The following HNRNPUL2 variants were observed in gnomAD, a reference collection of about 807,000 sequenced individuals.
The protein encoded by HNRNPUL2 is heterogeneous nuclear ribonucleoprotein U like 2.
A neutral mutation model predicts 102.2 loss-of-function variants in HNRNPUL2; 27 were observed. The ratio of observed to expected loss-of-function variants is 0.26; its 90% confidence interval spans 0.19 to 0.36. The LOEUF (loss-of-function observed/expected upper bound fraction) is 0.36, where lower values mean the gene tolerates loss of function less well. HNRNPUL2 is among the 10% of genes least tolerant of loss of function. The pLI is 1.00. For missense variants in HNRNPUL2, 936 were observed against 981.1 expected, an observed-to-expected ratio of 0.95 and a Z score of 0.61; for synonymous variants, 458 against 387.2, an observed-to-expected ratio of 1.18 and a Z score of -2.15.
Position 62,727,174 on chromosome 11 carries a change from C to T in HNRNPUL2, c.-18G>A, listed in dbSNP as rs1424527851. ...ACCTCCATCGCCGCCGCCGCCTCCTCCGCCTCCCGCCGCCTCCTCCCCTGC... is the reference window on the plus strand; with the variant it reads ...ACCTCCATCGCCGCCGCCGCCTCCTTCGCCTCCCGCCGCCTCCTCCCCTGC... On this transcript the variant is annotated 5_prime_UTR_variant, in exon 1 of 14. Coordinates refer to ENST00000301785, the MANE Select transcript of HNRNPUL2 (RefSeq NM_001079559.3). 2 of 1,412,054 alleles carry T rather than the reference C, an allele frequency of 1.4e-6. No homozygotes were observed. The highest frequency in any genetic ancestry group is 9.2e-7 in the Non-Finnish European group (1 of 1,083,854). 87.5% of individuals were successfully genotyped at this position (1,412,054 alleles called of 1,614,324 possible).
At position 62,722,081 on chromosome 11, in the gene HNRNPUL2, C is replaced by G. The variant is rs761164345; in HGVS notation, c.1359+36G>C. On this transcript the variant is annotated intron_variant, in intron 7 of 13. Transcript: ENST00000301785. Reference sequence around the variant, plus strand: ...AGCATACGCACCCACCTCTGCAAAGCATACAACCTCAGTGTTCGTATACTG... The same window carrying G: ...AGCATACGCACCCACCTCTGCAAAGGATACAACCTCAGTGTTCGTATACTG... The G allele has an allele frequency of 2.5e-6, 4 of 1,606,764 alleles. No homozygotes were observed. In the African/African-American group the frequency reaches 4.0e-5, roughly 16 times the overall value.
At position 62,726,861 on chromosome 11, in the gene HNRNPUL2, G is replaced by A; in HGVS notation, c.296C>T (p.Pro99Leu). The A allele has an allele frequency of 1.9e-6, 3 of 1,584,578 alleles. No individual in the cohort carries two copies. The highest frequency in any genetic ancestry group is 1.1e-5 in the South Asian group (1 of 89,066). ...CGCGGCCTGACCCAAGGCTTGAGCA[G>A]GGGGTGGCTCCTCGTCCTCGTCCTC... ...LLEDEDEEPPPAQALGQAAQP... is the reference protein window; with the variant it reads ...LLEDEDEEPPLAQALGQAAQP... Residue 99 changes from proline to leucine, a missense_variant, in exon 1 of 14, where the codon CCT (proline) becomes CTT (leucine). Physicochemically the swap from Pro to Leu is moderately conservative, Grantham distance 98 (BLOSUM62 -3). Around this residue, in one of 2 missense-constraint regions of HNRNPUL2, gnomAD observed 327 missense variants for 268.1 expected, o/e 1.22. Transcript: ENST00000301785.
chr11:62,718,182 G>C (rs938365058), intron 10 of HNRNPUL2, among the ~76,000 whole-genome samples: 4 of 151,682 alleles, frequency 2.6e-5, no homozygotes, highest in African/African-American at 7.3e-5. Context: ...GGGATGTCAG[G>C]AACTAAAGGC....
intron 1 of HNRNPUL2, among the ~76,000 whole-genome samples, chr11:62,725,699 A>C (rs2083740094): frequency 6.6e-6 from 1 of 152,222 alleles, no homozygotes; most frequent in South Asian, 2.1e-4. Context: ...CCCACTTTAT[A>C]GTAAGACTTA....
rs903756545 is a variant in HNRNPUL2, at chr11:62,715,241, G to A, written c.*58C>T. On this transcript the variant is annotated 3_prime_UTR_variant, in exon 14 of 14. Coordinates refer to ENST00000301785, the MANE Select transcript of HNRNPUL2 (RefSeq NM_001079559.3). ...TTTTCCTTGGTTGTGTTTTGCGGGG[G>A]TGCCTGGCACCCCCAGAGATTCAGC... 2.1e-5 allele frequency: 30 copies of A among 1,434,630 alleles called. No individual in the cohort carries two copies. The East Asian group carries it at 2.8e-4, about 13-fold the overall frequency. The allele number at this position is 1,434,630 out of a possible 1,614,324, so 88.9% of individuals were successfully genotyped here.
rs955798408 is a variant in HNRNPUL2 at position 62,714,041 on chromosome 11, G to C, written c.*1258C>G. The C allele has an allele frequency of 3.3e-5, 5 of 152,138 alleles. No individual in the cohort carries two copies. The highest frequency in any genetic ancestry group is 1.2e-4 in the African/African-American group (5 of 41,382). 9.4% of individuals were successfully genotyped at this position (152,138 alleles called of 1,614,324 possible). A position where few individuals can be genotyped will look rare whatever the true frequency, so the allele number is the denominator to read the frequency against. On this transcript the variant is annotated 3_prime_UTR_variant, in exon 14 of 14. Coordinates refer to ENST00000301785, the MANE Select transcript of HNRNPUL2 (RefSeq NM_001079559.3). ...CGCCCCAAAAGGAATTTTGTTTCTA[G>C]AAGTCGGGAAGGGGTGCTCCCTTTC...
In HNRNPUL2 at chr11:62,722,225, C is replaced by T. The variant is rs2083708472; in HGVS notation, c.1251G>A (p.Lys417=). The T allele has an allele frequency of 1.2e-6, 2 of 1,614,078 alleles. No individual in the cohort carries two copies. Among genetic ancestry groups the T allele is most frequent in the Non-Finnish European group, 1.7e-6 (2 of 1,180,036 alleles). Residue 417 remains lysine (K), a synonymous_variant, in exon 7 of 14, where the codon AAG becomes AAA. Transcript: ENST00000301785. Reference sequence around the variant, plus strand: ...CTGGTGGTGGGAAGAAGGGCTCCTCCTTCTGACCGAAGTTTAATTCTACAA... The same window carrying T: ...CTGGTGGTGGGAAGAAGGGCTCCTCTTTCTGACCGAAGTTTAATTCTACAA... ...NCVVELNFGQ[K]EEPFFPPPEE... is the part of the protein sequence containing the mutation.
chr11:62,727,249 T>A lies in HNRNPUL2; in HGVS notation c.-93A>T. ...GCAGGCGCCGCCGCCGCCGCCCGCC[T>A]CCGCCTCACGCGCCAGCACTGAGCC... is the stretch of plus-strand genomic sequence containing the variant. On this transcript the variant is annotated 5_prime_UTR_variant, in exon 1 of 14. Coordinates refer to ENST00000301785, the MANE Select transcript of HNRNPUL2 (RefSeq NM_001079559.3). The A allele has an allele frequency of 3.3e-6, 4 of 1,227,388 alleles. No homozygotes were observed. The highest frequency in any genetic ancestry group is 3.4e-5 in the East Asian group (1 of 29,310). 76.0% of individuals were successfully genotyped at this position (1,227,388 alleles called of 1,614,324 possible). A position where few individuals can be genotyped will look rare whatever the true frequency, so the allele number is the denominator to read the frequency against.
Position 62,726,949 on chromosome 11 carries a change from C to A in HNRNPUL2, c.208G>T (p.Gly70Cys), listed in dbSNP as rs1216913784. Residue 70 changes from glycine to cysteine, a missense_variant, in exon 1 of 14, where the codon GGC (glycine) becomes TGC (cysteine). Physicochemically the swap from Gly to Cys is radical, Grantham distance 159 (BLOSUM62 -3). Coordinates refer to ENST00000301785, the MANE Select transcript of HNRNPUL2 (RefSeq NM_001079559.3). ...EPRPVAASGG[G>C]PGGDEEEDEE... ...TCCTCCTCCTCGTCCCCGCCCGGGCCGCCGCCCGACGCGGCCACAGGCCGA... is the reference window on the plus strand; with the variant it reads ...TCCTCCTCCTCGTCCCCGCCCGGGCAGCCGCCCGACGCGGCCACAGGCCGA... 1 of 1,463,912 alleles carries A rather than the reference C, an allele frequency of 6.8e-7. No individual in the cohort carries two copies. Among genetic ancestry groups the A allele is most frequent in the East Asian group, 2.9e-5 (1 of 34,958 alleles). 90.7% of individuals were successfully genotyped at this position (1,463,912 alleles called of 1,614,324 possible). A position where few individuals can be genotyped will look rare whatever the true frequency, so the allele number is the denominator to read the frequency against.
At position 62,714,029 on chromosome 11, in the gene HNRNPUL2, ATTT is replaced by A. The variant is rs1260860422; in HGVS notation, c.*1267_*1269del. 1 of 152,106 alleles carries A rather than the reference ATTT, an allele frequency of 6.6e-6. No homozygotes were observed. Among genetic ancestry groups the A allele is most frequent in the Non-Finnish European group, 1.5e-5 (1 of 68,042 alleles). 9.4% of individuals were successfully genotyped at this position (152,106 alleles called of 1,614,324 possible). A position where few individuals can be genotyped will look rare whatever the true frequency, so the allele number is the denominator to read the frequency against. ...ACACAGGGAAAGCGCCCCAAAAGGA[ATTT>A]TGTTTCTAGAAGTCGGGAAGGGGTG... On this transcript the variant is annotated 3_prime_UTR_variant, in exon 14 of 14. Transcript: ENST00000301785.
chr11:62,727,327 C>G lies in HNRNPUL2; in HGVS notation c.-171G>C. The G allele has an allele frequency of 3.6e-6, 3 of 832,696 alleles. No homozygotes were observed. The highest frequency in any genetic ancestry group is 1.6e-6 in the Non-Finnish European group (1 of 632,944). The allele number at this position is 832,696 out of a possible 1,614,324, so 51.6% of individuals were successfully genotyped here. ...GCGGAGGCCGCGCACGGTCCCGCTG[C>G]GCAGTGTTTGCTTCTCCTTCGTCTC... On this transcript the variant is annotated 5_prime_UTR_variant, in exon 1 of 14. Coordinates refer to ENST00000301785, the MANE Select transcript of HNRNPUL2 (RefSeq NM_001079559.3).
At position 62,723,656 on chromosome 11, in the gene HNRNPUL2, G is replaced by T. The variant is rs1262635057; in HGVS notation, c.822C>A (p.Phe274Leu). 1.9e-6 allele frequency: 3 copies of T among 1,614,156 alleles called. No homozygotes were observed. The highest frequency in any genetic ancestry group is 2.5e-6 in the Non-Finnish European group (3 of 1,180,022). The part of the protein sequence containing the change: ...YGGQPLFSEK[F>L]PTLWSGARST... ...TCCTTGCCCCAGACCAAAGGGTGGGGAACTTCTCTGAGAAAAGTGGCTGCC... is the reference window on the plus strand; with the variant it reads ...TCCTTGCCCCAGACCAAAGGGTGGGTAACTTCTCTGAGAAAAGTGGCTGCC... Residue 274 changes from phenylalanine to leucine, a missense_variant, in exon 4 of 14, where the codon TTC (phenylalanine) becomes TTA (leucine). Around this residue, in one of 2 missense-constraint regions of HNRNPUL2, gnomAD observed 609 missense variants for 713.0 expected, o/e 0.85. Transcript: ENST00000301785.
rs2083757880 is a variant in HNRNPUL2 at position 62,726,967 on chromosome 11, C to A, written c.190G>T (p.Val64Leu). Residue 64 changes from valine to leucine, a missense_variant, in exon 1 of 14, where the codon GTG becomes TTG. By Grantham distance (32) the Val-to-Leu change is conservative. Transcript: ENST00000301785. The part of the protein sequence containing the change: ...GGACKAEPRP[V>L]AASGGGPGGD... ...CCCGGGCCGCCGCCCGACGCGGCCA[C>A]AGGCCGAGGCTCCGCCTTGCAGGCC... 2 of 1,409,672 alleles carry A rather than the reference C, an allele frequency of 1.4e-6. No individual in the cohort carries two copies. Among genetic ancestry groups the A allele is most frequent in the African/African-American group, 1.5e-5 (1 of 66,136 alleles). The allele number at this position is 1,409,672 out of a possible 1,614,324, so 87.3% of individuals were successfully genotyped here.
At chr11:62,723,261 A>C (rs530365039) in intron 4 of HNRNPUL2, among the ~76,000 whole-genome samples, 3 of 152,246 alleles carry the variant, frequency 2.0e-5, no homozygotes, top group African/African-American at 7.2e-5. Flanking sequence ...GGAGGCCAAG[A>C]CGGGCGGATC....
At position 62,723,610 on chromosome 11, in the gene HNRNPUL2, C is replaced by T. The variant is rs1329270908; in HGVS notation, c.868G>A (p.Gly290Arg). The change falls in exon 4 of 14, where the codon GGA (glycine) becomes AGA (arginine). Residue 290 changes from glycine (G) to arginine (R), a missense_variant. Physicochemically the swap from Gly to Arg is moderately radical, Grantham distance 125. Around this residue, in one of 2 missense-constraint regions of HNRNPUL2, gnomAD observed 609 missense variants for 713.0 expected, o/e 0.85. Transcript: ENST00000301785. The part of the protein sequence containing the change: ...GARSTYGVTK[G>R]KVCFEAKVTQ... The stretch of plus-strand genomic sequence containing the variant: ...ACCTTTGCCTCAAAGCAGACTTTTC[C>T]CTTTGTCACTCCGTAAGTACTCCTT... 3 of 1,611,560 alleles carry T rather than the reference C, an allele frequency of 1.9e-6. No individual in the cohort carries two copies. The highest frequency in any genetic ancestry group is 1.7e-5 in the Admixed American group (1 of 59,806).
Position 62,726,719 on chromosome 11 carries a change from C to A in HNRNPUL2, c.438G>T (p.Glu146Asp). 1 of 1,600,962 alleles carries A rather than the reference C, an allele frequency of 6.2e-7. No homozygotes were observed. Among genetic ancestry groups the A allele is most frequent in the Non-Finnish European group, 8.5e-7 (1 of 1,179,652 alleles). ...CTTCCTCCCTCTTGCCGAGGCCCTG[C>A]TCTTCGCCACCATTTACCCCGCCTG... ...AGSGGVNGGE[E>D]QGLGKREEDE... The change falls in exon 1 of 14, where the codon GAG becomes GAT. Residue 146 changes from glutamate (E) to aspartate (D), a missense_variant. Coordinates refer to ENST00000301785, the MANE Select transcript of HNRNPUL2 (RefSeq NM_001079559.3).
chr11:62,722,087 A>C (rs1565162278), intron 7 of HNRNPUL2, 30 bp downstream of exon 7: 10 of 1,608,384 alleles, frequency 6.2e-6, no homozygotes, highest in African/African-American at 1.3e-5. Context: ...AAAGCATACA[A>C]CCTCAGTGTT....
intron 10 of HNRNPUL2, 93 bp from the exon 11 acceptor site, chr11:62,717,282 T>C (rs1202626686): frequency 6.5e-6 from 6 of 918,536 alleles, no homozygotes; most frequent in Non-Finnish European, 9.9e-6. Flanking sequence ...TATGACTTTC[T>C]ATGCCTCATC....
chr11:62,722,405 C>T (rs2083709800), intron 6 of HNRNPUL2, 25 bp from the exon 7 acceptor site: 1 of 1,606,990 alleles, frequency 6.2e-7, no homozygotes, highest in Non-Finnish European at 8.5e-7. Flanking sequence ...GACAAGAGCA[C>T]TTATTGGCTG....
Sources: gnomAD v4.1 joint callset for allele counts (sites outside exome capture counted in the v4.1 genomes callset) on GRCh38, gnomAD v4.1.1 for gene constraint, gnomAD v4.1.1 regional missense constraint, MANE v1.5 for transcripts, NCBI Gene and HGNC (gene_info 2026-07-23, HGNC 2026-07-21) for gene names.